SPAM1: variants seen among roughly 807,000 people sequenced by gnomAD.
The protein encoded by SPAM1 is sperm adhesion molecule 1, also known as hyaluronidase PH-20.
In SPAM1, 22 loss-of-function variants were observed where a neutral mutation model predicts 29.6. The ratio of observed to expected loss-of-function variants is 0.74; its 90% confidence interval spans 0.53 to 1.06. The LOEUF (loss-of-function observed/expected upper bound fraction) is 1.06. Ranked by LOEUF, SPAM1 falls within the 50% of genes least tolerant of loss-of-function variation. The pLI, the probability that SPAM1 is intolerant of heterozygous loss-of-function variation, is 0.00. For missense variants in SPAM1, 534 were observed against 604.0 expected (o/e 0.88, Z 1.21); for synonymous variants, 194 against 204.6 (o/e 0.95, Z 0.44).
Position 123,953,779 on chromosome 7 carries a change from T to G in SPAM1, c.209T>G (p.Met70Arg), listed in dbSNP as rs773419990. The change falls in exon 3 of 5, where the codon ATG becomes AGG. Residue 70 changes from methionine to arginine, a missense_variant. Physicochemically the swap from Met to Arg is moderately conservative, Grantham distance 91. Coordinates refer to ENST00000682466, the MANE Select transcript of SPAM1 (RefSeq NM_153189.3). ...GGAAAATTTGATGAGCCACTAGATA[T>G]GAGCCTCTTCTCTTTCATAGGAAGC... ...CLGKFDEPLD[M>R]SLFSFIGSPR... 18 of 1,612,848 alleles carry G rather than the reference T, an allele frequency of 1.1e-5. No homozygotes were observed. The highest frequency in any genetic ancestry group is 1.4e-5 in the Non-Finnish European group (17 of 1,179,536).
intron 1 of SPAM1, among the ~76,000 whole-genome samples, chr7:123,943,546 A>G (rs1563025252): frequency 6.6e-6 from 1 of 152,190 alleles, no homozygotes; most frequent in Non-Finnish European, 1.5e-5. Context: ...TTACACATTT[A>G]TGTAAATATA....
At chr7:123,933,674 C>T (rs371201634) in intron 1 of SPAM1, among the ~76,000 whole-genome samples, 7 of 152,194 alleles carry the variant, frequency 4.6e-5, no homozygotes, top group African/African-American at 1.7e-4. Context: ...AAACTATTCA[C>T]CCAACAAGGG....
intron 1 of SPAM1, among the ~76,000 whole-genome samples, chr7:123,935,772 GACATAC>G (rs1363606077): frequency 3.3e-5 from 5 of 152,128 alleles, no homozygotes; most frequent in Non-Finnish European, 5.9e-5. Context: ...TTACTCAGTA[GACATAC>G]ACATACAAAT....
chr7:123,969,105 G>A (rs968078359), intron 5 of SPAM1, among the ~76,000 whole-genome samples: 7 of 151,906 alleles, frequency 4.6e-5, no homozygotes, highest in African/African-American at 1.7e-4. Flanking sequence ...TGCAAACCAA[G>A]GTTGGAGTGC....
chr7:123,965,868 A>G (rs948535450), intron 5 of SPAM1, among the ~76,000 whole-genome samples: 7 of 152,042 alleles, frequency 4.6e-5, no homozygotes, highest in African/African-American at 1.4e-4. Context: ...TGGGAATAAC[A>G]TTGCATCTAT....
intron 1 of SPAM1, among the ~76,000 whole-genome samples, chr7:123,933,118 T>G (rs1293268682): frequency 6.6e-6 from 1 of 152,032 alleles, no homozygotes; most frequent in Non-Finnish European, 1.5e-5. Flanking sequence ...GTTTGTTACA[T>G]AGGTATACAT....
chr7:123,927,960 T>C (rs529357399), intron 1 of SPAM1, among the ~76,000 whole-genome samples: 1 of 152,254 alleles, frequency 6.6e-6, no homozygotes, highest in East Asian at 1.9e-4. Flanking sequence ...TCAGCAGGAA[T>C]TGAGGTCAGA....
At chr7:123,951,674 T>C (rs1322774606) in intron 2 of SPAM1, among the ~76,000 whole-genome samples, 1 of 152,168 alleles carries the variant, frequency 6.6e-6, no homozygotes, top group Non-Finnish European at 1.5e-5. Context: ...AAGGCTGAAG[T>C]ACAGTGGTGC....
At chr7:123,946,137 C>T (rs1206859751) in intron 1 of SPAM1, among the ~76,000 whole-genome samples, 1 of 152,148 alleles carries the variant, frequency 6.6e-6, no homozygotes, top group Non-Finnish European at 1.5e-5. Context: ...ACTGGAATTC[C>T]CTGTTGGAAG....
At chr7:123,956,378 A>G (rs903881893) in intron 4 of SPAM1, among the ~76,000 whole-genome samples, 1 of 152,060 alleles carries the variant, frequency 6.6e-6, no homozygotes, top group Non-Finnish European at 1.5e-5. Context: ...TTTGTAATCA[A>G]TAGTCATGGA....
chr7:123,968,599 T>G (rs897931314), intron 5 of SPAM1, among the ~76,000 whole-genome samples: 1 of 150,422 alleles, frequency 6.6e-6, no homozygotes, highest in East Asian at 2.0e-4. Context: ...ATCTTGACAA[T>G]TTTTTTTTTC....
At chr7:123,956,313 C>T (rs1320481662) in intron 4 of SPAM1, among the ~76,000 whole-genome samples, 2 of 152,018 alleles carry the variant, frequency 1.3e-5, no homozygotes, top group Admixed American at 6.6e-5. Flanking sequence ...TCTTTCTCAA[C>T]TTCTGATCAT....
intron 5 of SPAM1, among the ~76,000 whole-genome samples, chr7:123,966,698 A>G (rs765167629): frequency 3.9e-5 from 6 of 152,028 alleles, no homozygotes; most frequent in Non-Finnish European, 5.9e-5. Context: ...TGTTCTTCTT[A>G]CAAATGGGAG....
At position 123,959,974 on chromosome 7, in the gene SPAM1, G is replaced by C. The variant is rs745937175; in HGVS notation, c.*5G>C. The C allele has an allele frequency of 8.8e-6, 14 of 1,597,438 alleles. No homozygotes were observed. The highest frequency in any genetic ancestry group is 1.3e-5 in the African/African-American group (1 of 74,382). On this transcript the variant is annotated 3_prime_UTR_variant, in exon 5 of 5. Transcript: ENST00000682466. ...TCTTCTGTAGCGAGTTTGTAATTGC[G>C]CAGGTTAGCTGAAATGAACAATATG...
chr7:123,933,380 C>T (rs2117023286), intron 1 of SPAM1, among the ~76,000 whole-genome samples: 1 of 152,228 alleles, frequency 6.6e-6, no homozygotes, highest in Middle Eastern at 3.4e-3. Flanking sequence ...ATTATTTTTA[C>T]ATGCACATTG....
intron 5 of SPAM1, among the ~76,000 whole-genome samples, chr7:123,969,571 C>A (rs537032855): frequency 5.6e-4 from 85 of 152,114 alleles, no homozygotes; most frequent in Non-Finnish European, 8.1e-4. Flanking sequence ...ATGTTCTTGG[C>A]ACCTTTGTCA....
At chr7:123,951,484 G>T (rs1390903269) in intron 2 of SPAM1, among the ~76,000 whole-genome samples, 1 of 152,036 alleles carries the variant, frequency 6.6e-6, no homozygotes, top group Non-Finnish European at 1.5e-5. Context: ...CTGTTCCAAG[G>T]CTTTGCATTA....
intron 1 of SPAM1, among the ~76,000 whole-genome samples, chr7:123,940,947 T>C (rs947245290): frequency 6.6e-6 from 1 of 152,240 alleles, no homozygotes; most frequent in Non-Finnish European, 1.5e-5. Flanking sequence ...AATTCATGTT[T>C]AATGATTGTG....
At chr7:123,947,713 T>C (rs1808630819) in intron 1 of SPAM1, 1 of 152,112 alleles carries the variant, frequency 6.6e-6, no homozygotes, top group African/African-American at 2.4e-5. Flanking sequence ...GGTTAAATAC[T>C]GCAGAGCTAA....
Sources: gnomAD v4.1 joint callset for allele counts (sites outside exome capture counted in the v4.1 genomes callset) on GRCh38, gnomAD v4.1.1 for gene constraint, MANE v1.5 for transcripts, NCBI Gene and HGNC (gene_info 2026-07-23, HGNC 2026-07-21) for gene names.